The following SZT2 variants were observed in gnomAD, a reference collection of about 807,000 sequenced individuals.
SZT2 encodes KICSTOR complex protein SZT2.
In SZT2, 216 loss-of-function variants were observed where a neutral mutation model predicts 404.2. The ratio of observed to expected loss-of-function variants is 0.53; its 90% CI spans 0.48 to 0.60. The LOEUF is 0.60. Ranked by LOEUF, SZT2 falls within the 20% of genes least tolerant of loss-of-function variation. The pLI, the probability that SZT2 is intolerant of heterozygous loss-of-function variation, is 0.00. For synonymous variants in SZT2, 1,693 were observed against 1,749.9 expected (o/e 0.97, Z 0.81); for missense variants, 3,857 against 4,459.2 (o/e 0.86, Z 3.85).
Position 43,452,424 on chromosome 1 carries a change from G to C in SZT2, c.*1944G>C, listed in dbSNP as rs1323833685. The C allele has an allele frequency of 2.3e-6, 2 of 883,760 alleles. No individual in the cohort carries two copies. The highest frequency in any genetic ancestry group is 2.8e-5 in the South Asian group (2 of 70,426). 54.7% of individuals were successfully genotyped at this position (883,760 alleles called of 1,614,324 possible). ...CCTCGTCCGTCTCCCCAGGTCTCCA[G>C]TCCATGGCACCTGGGTCACGATGCC... is the stretch of plus-strand genomic sequence containing the variant. On this transcript the variant is annotated 3_prime_UTR_variant, in exon 72 of 72. Coordinates refer to ENST00000634258, the MANE Select transcript of SZT2 (RefSeq NM_001365999.1).
Position 43,453,130 on chromosome 1 carries a change from T to TTAA in SZT2, c.*2652_*2653insATA, listed in dbSNP as rs1199982855. The TTAA allele has an allele frequency of 1.4e-6, 1 of 705,270 alleles. No individual in the cohort carries two copies. Among genetic ancestry groups the TTAA allele is most frequent in the African/African-American group, 1.7e-5 (1 of 57,204 alleles). 43.7% of individuals were successfully genotyped at this position (705,270 alleles called of 1,614,324 possible). On this transcript the variant is annotated 3_prime_UTR_variant, in exon 72 of 72. Coordinates refer to ENST00000634258, the MANE Select transcript of SZT2 (RefSeq NM_001365999.1). The stretch of plus-strand genomic sequence containing the variant: ...TCCTCAAATGCATCACTGTATATAT[T>TTAA]TACTCTCCTATCTGCCTAGGCAGAC...
Position 43,431,755 on chromosome 1 carries a change from C to T in SZT2, c.5128C>T (p.Arg1710Ter). The change falls in exon 36 of 72, where the codon CGA becomes TGA. Residue 1710 changes from arginine (R) to a stop codon, truncating the protein, a stop_gained. Transcript: ENST00000634258. LOFTEE classifies it high-confidence loss of function. ...LLEDEMVGAL[R>*]RGGIPQSPAL... Reference sequence around the variant, plus strand: ...GGAAGATGAGATGGTGGGGGCACTCCGAAGAGGGGGCATCCCACAGAGTCC... The same window carrying T: ...GGAAGATGAGATGGTGGGGGCACTCTGAAGAGGGGGCATCCCACAGAGTCC... 1 of 1,614,196 alleles carries T rather than the reference C, an allele frequency of 6.2e-7. No individual in the cohort carries two copies. The highest frequency in any genetic ancestry group is 8.5e-7 in the Non-Finnish European group (1 of 1,180,040).
chr1:43,430,819 A>G, intron 32 of SZT2, 30 bp downstream of exon 32: 1 of 1,595,876 alleles, frequency 6.3e-7, no homozygotes, highest in South Asian at 1.1e-5. Context: ...AGGGAAAGCC[A>G]AAGGTCCTGG....
At chr1:43,436,749 C>G (rs1337724205) in intron 42 of SZT2, 18 of 176,160 alleles carry the variant, frequency 1.0e-4, no homozygotes, top group Admixed American at 9.3e-4. Context: ...CAAAGTTTAT[C>G]CCTCCTCTGC....
chr1:43,428,402 G>C lies in SZT2; in HGVS notation c.4082G>C (p.Gly1361Ala), dbSNP rs368917857. Reference sequence around the variant, plus strand: ...TTGCCTCATGCACCCCCAAGTCCTGGTCCTCTCAGCCCTGGGCCCTTCAGC... The same window carrying C: ...TTGCCTCATGCACCCCCAAGTCCTGCTCCTCTCAGCCCTGGGCCCTTCAGC... ...WGLPHAPPSP[G>A]PLSPGPFSSS... The change falls in exon 28 of 72, where the codon GGT becomes GCT. Residue 1361 changes from glycine (G) to alanine (A), a missense_variant. Gly to Ala is a moderately conservative substitution (Grantham distance 60). Transcript: ENST00000634258. 13 of 1,614,002 alleles carry C rather than the reference G, an allele frequency of 8.1e-6. No individual in the cohort carries two copies. In the African/African-American group the frequency reaches 1.2e-4, roughly 15 times the overall value.
chr1:43,443,304 G>A lies in SZT2; in HGVS notation c.8499+37G>A, dbSNP rs529450561. ...CAGCTTGCATCTTCCTTGAGTATCT[G>A]TGATCCTGCCCCGTCACTGCTCCAT... On this transcript the variant is annotated intron_variant, in intron 60 of 71. Transcript: ENST00000634258. 151 of 1,614,166 alleles carry A rather than the reference G, an allele frequency of 9.4e-5. 3 individuals carry two copies. The South Asian group carries it at 1.5e-3, about 16-fold the overall frequency.
Position 43,452,180 on chromosome 1 carries a change from A to G in SZT2, c.*1700A>G. The G allele has an allele frequency of 6.4e-7, 1 of 1,571,858 alleles. No homozygotes were observed. The highest frequency in any genetic ancestry group is 8.7e-7 in the Non-Finnish European group (1 of 1,145,330). On this transcript the variant is annotated 3_prime_UTR_variant, in exon 72 of 72. Coordinates refer to ENST00000634258, the MANE Select transcript of SZT2 (RefSeq NM_001365999.1). ...CGCACACCCACAGAGACATGTAAGT[A>G]CGTGTGTGTTTCCACCTTTCTCACC...
chr1:43,399,531 G>A (rs988689436), intron 1 of SZT2, among the ~76,000 whole-genome samples: 3 of 142,694 alleles, frequency 2.1e-5, no homozygotes, highest in Non-Finnish European at 4.5e-5. Context: ...GCGTGATCTC[G>A]ACTCACTGCA....
At position 43,422,903 on chromosome 1, in the gene SZT2, ACT is replaced by A; in HGVS notation, c.2037+23_2037+24del. 1 of 1,561,524 alleles carries A rather than the reference ACT, an allele frequency of 6.4e-7. No homozygotes were observed. ...CACAAGGTAAGCTGGGCCCTGACTG[ACT>A]CTGACCAAGGAGCCCTAGGGTGTAG... On this transcript the variant is annotated intron_variant, in intron 14 of 71. Coordinates refer to ENST00000634258, the MANE Select transcript of SZT2 (RefSeq NM_001365999.1).
At chr1:43,391,003 T>C (rs1265976489) in intron 1 of SZT2, among the ~76,000 whole-genome samples, 1 of 152,200 alleles carries the variant, frequency 6.6e-6, no homozygotes, top group African/African-American at 2.4e-5. Context: ...GTTTAGGAAC[T>C]GAGGCACAGA....
chr1:43,426,518 G>A lies in SZT2; in HGVS notation c.3194G>A (p.Arg1065Gln), dbSNP rs2782646. The change falls in exon 22 of 72, where the codon CGG becomes CAG. Residue 1065 changes from arginine (R) to glutamine (Q), a missense_variant. Coordinates refer to ENST00000634258, the MANE Select transcript of SZT2 (RefSeq NM_001365999.1). The surrounding 1 kb of genome is among the most constrained non-coding windows in gnomAD (Gnocchi z 4.9). The part of the protein sequence containing the change: ...DQAAFLSEVL[R>Q]RTCHVPGAEG... ...GCTGCCTTCTTGAGTGAGGTGCTGC[G>A]GCGGACCTGCCACGTTCCAGGTGAG... The A allele has an allele frequency of 0.38, 601,746 of 1,585,340 alleles. 120,605 individuals are homozygous for A. The highest frequency in any genetic ancestry group is 0.42 in the Non-Finnish European group (490,327 of 1,173,414).
In SZT2 at chr1:43,423,232, C is replaced by T. The variant is rs756289061; in HGVS notation, c.2171C>T (p.Pro724Leu). The T allele has an allele frequency of 6.3e-7, 1 of 1,593,728 alleles. No homozygotes were observed. The change falls in exon 15 of 72, where the codon CCC becomes CTC. Residue 724 changes from proline to leucine, a missense_variant. Transcript: ENST00000634258. Reference protein sequence around the residue: ...AGGGSSPSKSPPVLGPQQALS... With the variant: ...AGGGSSPSKSLPVLGPQQALS... ...GGGGGCAGCTCTCCCTCCAAGTCAC[C>T]CCCCGTGCTGGGGCCACAGCAGGCC...
rs187427261 is a variant in SZT2, at chr1:43,427,569, G to A, written c.3638G>A (p.Arg1213His). ...QNQGELSPPF[R>H]RDLQAYAGRQ... is the part of the protein sequence containing the mutation. Reference sequence around the variant, plus strand: ...CAAGGAGAGCTAAGTCCACCATTCCGTCGAGACTTACAGGCTTACGCTGGG... The same window carrying A: ...CAAGGAGAGCTAAGTCCACCATTCCATCGAGACTTACAGGCTTACGCTGGG... The change falls in exon 26 of 72, where the codon CGT becomes CAT. Residue 1213 changes from arginine (R) to histidine (H), a missense_variant. Arg to His is a conservative substitution (Grantham distance 29). Transcript: ENST00000634258. 1.3e-4 allele frequency: 207 copies of A among 1,614,220 alleles called. No homozygotes were observed. The East Asian group carries it at 4.1e-3, about 32-fold the overall frequency.
Position 43,421,273 on chromosome 1 carries a change from C to T in SZT2, c.1596C>T (p.Leu532=). 1 of 1,598,612 alleles carries T rather than the reference C, an allele frequency of 6.3e-7. No individual in the cohort carries two copies. Among genetic ancestry groups the T allele is most frequent in the South Asian group, 1.1e-5 (1 of 91,084 alleles). ...LPDSTKSGVP[L]FYIPPGSTTP... is the part of the protein sequence containing the mutation. ...ACAGCACCAAGAGCGGAGTGCCACTCTTCTACATCCCTCCAGGCTCCACCA... is the reference window on the plus strand; with the variant it reads ...ACAGCACCAAGAGCGGAGTGCCACTTTTCTACATCCCTCCAGGCTCCACCA... Residue 532 remains leucine, a synonymous_variant, in exon 11 of 72, where the codon CTC becomes CTT. Transcript: ENST00000634258.
At position 43,413,943 on chromosome 1, in the gene SZT2, CTAAAAGAG is replaced by C. The variant is rs1651389350; in HGVS notation, c.499-1133_499-1126del. 4.6e-5 allele frequency among the ~76,000 whole-genome samples: 7 copies of C among 152,152 alleles called. 1 individual carries two copies. The South Asian group carries it at 1.5e-3, about 32-fold the overall frequency. On this transcript the variant is annotated intron_variant, in intron 4 of 71. Transcript: ENST00000634258. ...TAATTTATTGTACATTTAAAAATAA[CTAAAAGAG>C]TAAAATTGGATTGTTTGTAACACAA... is the stretch of plus-strand genomic sequence containing the variant.
chr1:43,398,542 A>G (rs1393941101), intron 1 of SZT2, among the ~76,000 whole-genome samples: 1 of 152,170 alleles, frequency 6.6e-6, no homozygotes, highest in African/African-American at 2.4e-5. Flanking sequence ...GTCAACACAT[A>G]ATATCCCACC....
Position 43,424,261 on chromosome 1 carries a change from C to T in SZT2, c.2300C>T (p.Thr767Ile), listed in dbSNP as rs776066127. ...PLDYRAPFLLTLEPPGPLPLV... is the reference protein window; with the variant it reads ...PLDYRAPFLLILEPPGPLPLV... The stretch of plus-strand genomic sequence containing the variant: ...GACTACCGGGCACCCTTCTTGCTGA[C>T]ATTGGAGCCACCAGGTCCACTGCCC... Residue 767 changes from threonine (T) to isoleucine (I), a missense_variant, in exon 16 of 72, where the codon ACA (threonine) becomes ATA (isoleucine). Coordinates refer to ENST00000634258, the MANE Select transcript of SZT2 (RefSeq NM_001365999.1). The surrounding 1 kb of genome is among the most constrained non-coding windows in gnomAD (Gnocchi z 4.1). 2 of 1,597,942 alleles carry T rather than the reference C, an allele frequency of 1.3e-6. No individual in the cohort carries two copies. The highest frequency in any genetic ancestry group is 3.3e-5 in the Admixed American group (2 of 59,948).
In SZT2 at chr1:43,435,137, GACC is replaced by G. The variant is rs893397161; in HGVS notation, c.5905-53_5905-51del. On this transcript the variant is annotated intron_variant, in intron 41 of 71. Transcript: ENST00000634258. ...TTCTCTCTGGCATTTGATCACCCCT[GACC>G]ACCACCACCCACTTAGGAGGAGGTA... The G allele has an allele frequency of 2.5e-6, 4 of 1,587,244 alleles. No homozygotes were observed. In the African/African-American group the frequency reaches 4.0e-5, roughly 16 times the overall value.
chr1:43,451,282 G>A lies in SZT2; in HGVS notation c.*802G>A, dbSNP rs556218372. On this transcript the variant is annotated 3_prime_UTR_variant, in exon 72 of 72. Coordinates refer to ENST00000634258, the MANE Select transcript of SZT2 (RefSeq NM_001365999.1). ...TGGCCCCGCCTATCCCAGTATGAAC[G>A]TAGCCAACTCAAGCCCTCTACTGTG... The A allele has an allele frequency of 8.1e-6, 13 of 1,613,938 alleles. No homozygotes were observed. The highest frequency in any genetic ancestry group is 2.2e-5 in the South Asian group (2 of 91,086).
Sources: gnomAD v4.1 joint callset for allele counts (sites outside exome capture counted in the v4.1 genomes callset) on GRCh38, gnomAD v4.1.1 for gene constraint, Gnocchi (gnomAD v3.1) non-coding constraint, MANE v1.5 for transcripts, NCBI Gene and HGNC (gene_info 2026-07-23, HGNC 2026-07-21) for gene names.